RIT2: variants seen among roughly 807,000 people sequenced by gnomAD.
RIT2 encodes the protein Ras like without CAAX 2.
A neutral mutation model predicts 23.7 loss-of-function variants in RIT2; 24 were observed. The ratio of observed to expected loss-of-function variants is 1.01; its 90% CI spans 0.73 to 1.43. The LOEUF (loss-of-function observed/expected upper bound fraction) is 1.43. RIT2 is among the 40% of genes most tolerant of loss of function. The pLI is 0.00. For synonymous variants in RIT2, 107 were observed against 91.1 expected (o/e 1.17, Z -0.99); for missense variants, 236 against 266.9 (o/e 0.88, Z 0.81).
chr18:42,989,783 T>G (rs1910796796), intron 2 of RIT2, among the ~76,000 whole-genome samples: 1 of 152,160 alleles, frequency 6.6e-6, no homozygotes, highest in Admixed American at 6.5e-5. Flanking sequence ...TCGTGGCCTT[T>G]TTGATTAGAT....
At chr18:42,968,425 A>G (rs183309347) in intron 3 of RIT2, among the ~76,000 whole-genome samples, 2 of 152,310 alleles carry the variant, frequency 1.3e-5, no homozygotes, top group Non-Finnish European at 2.9e-5. Flanking sequence ...GTTAATAATA[A>G]ATTGTTTTCA....
intron 4 of RIT2, among the ~76,000 whole-genome samples, chr18:42,779,421 C>G (rs1418270145): frequency 2.0e-5 from 3 of 152,134 alleles, no homozygotes; most frequent in Non-Finnish European, 4.4e-5. Context: ...AAAATTCCCT[C>G]ATAACATCCT....
rs187096890 is a variant in RIT2, at chr18:42,897,027, C to T, written c.426+26545G>A. On this transcript the variant is annotated intron_variant, in intron 4 of 4. Transcript: ENST00000326695. ...TACTCAGTCAGGTGTGACTTTTTCTCTATACCTATCATAATCCTTTATCTT... is the reference window on the plus strand; with the variant it reads ...TACTCAGTCAGGTGTGACTTTTTCTTTATACCTATCATAATCCTTTATCTT... Among the ~76,000 whole-genome samples the T allele has an allele frequency of 5.9e-5, 9 of 152,290 alleles. No individual in the cohort carries two copies. In the East Asian group the frequency reaches 1.4e-3, roughly 23 times the overall value.
intron 3 of RIT2, among the ~76,000 whole-genome samples, chr18:42,931,580 T>G (rs1274828070): frequency 6.6e-6 from 1 of 152,142 alleles, no homozygotes; most frequent in African/African-American, 2.4e-5. Context: ...TTGACTTGTA[T>G]TTTGTCAAAG....
At chr18:42,820,261 A>T (rs1410837779) in intron 4 of RIT2, among the ~76,000 whole-genome samples, 2 of 152,096 alleles carry the variant, frequency 1.3e-5, no homozygotes, top group Non-Finnish European at 2.9e-5. Context: ...ACTACATTTA[A>T]AGCATCAGAA....
At chr18:42,780,726 A>G (rs1913791068) in intron 4 of RIT2, among the ~76,000 whole-genome samples, 1 of 151,534 alleles carries the variant, frequency 6.6e-6, no homozygotes, top group Admixed American at 6.6e-5. Context: ...GTTAATGTTG[A>G]TGTTGGTCAG....
intron 3 of RIT2, among the ~76,000 whole-genome samples, chr18:42,932,660 A>T (rs940453917): frequency 4.0e-5 from 6 of 149,924 alleles, no homozygotes; most frequent in East Asian, 3.9e-4. Context: ...TGATTATCAA[A>T]TTTTTTTTTT....
At chr18:42,914,922 T>C (rs767811887) in intron 4 of RIT2, among the ~76,000 whole-genome samples, 6 of 152,030 alleles carry the variant, frequency 3.9e-5, no homozygotes, top group Admixed American at 6.6e-5. Flanking sequence ...TTGTAACTTC[T>C]TGTGCGTCTG....
At chr18:43,102,416 C>T (rs1476318203) in intron 1 of RIT2, among the ~76,000 whole-genome samples, 1 of 146,750 alleles carries the variant, frequency 6.8e-6, no homozygotes, top group East Asian at 2.0e-4. Context: ...ACTTTCTTTT[C>T]TCCTCCTCAC....
At chr18:43,107,771 C>T (rs527906268) in intron 1 of RIT2, among the ~76,000 whole-genome samples, 1 of 152,120 alleles carries the variant, frequency 6.6e-6, no homozygotes, top group African/African-American at 2.4e-5. Flanking sequence ...CACTCACTAC[C>T]CCATCTAATA....
intron 4 of RIT2, among the ~76,000 whole-genome samples, chr18:42,882,007 C>G (rs1598697925): frequency 6.6e-6 from 1 of 152,196 alleles, no homozygotes; most frequent in Non-Finnish European, 1.5e-5. Context: ...TCTTGCTTTT[C>G]TACAGAATAT....
chr18:42,925,591 T>C (rs938692573), intron 3 of RIT2, among the ~76,000 whole-genome samples: 1 of 152,082 alleles, frequency 6.6e-6, no homozygotes, highest in Non-Finnish European at 1.5e-5. Context: ...TTTTTGATTT[T>C]CAATCGTCTA....
At chr18:42,897,985 G>A (rs1057443882) in intron 4 of RIT2, among the ~76,000 whole-genome samples, 1 of 152,144 alleles carries the variant, frequency 6.6e-6, no homozygotes, top group Non-Finnish European at 1.5e-5. Flanking sequence ...GGCAAAAGAT[G>A]GAAGCAGAGG....
At chr18:43,010,308 A>T (rs1166007521) in intron 2 of RIT2, among the ~76,000 whole-genome samples, 1 of 151,832 alleles carries the variant, frequency 6.6e-6, no homozygotes, top group Non-Finnish European at 1.5e-5. Flanking sequence ...TGGCTTCATA[A>T]TGAAGAAACT....
intron 3 of RIT2, among the ~76,000 whole-genome samples, chr18:42,964,515 T>A (rs539117383): frequency 2.6e-5 from 4 of 152,168 alleles, no homozygotes; most frequent in Non-Finnish European, 5.9e-5. Context: ...CCTGACACAA[T>A]GCCTATTTGA....
intron 4 of RIT2, among the ~76,000 whole-genome samples, chr18:42,883,395 G>A (rs537974896): frequency 6.6e-5 from 10 of 152,224 alleles, no homozygotes; most frequent in South Asian, 2.1e-4. Flanking sequence ...CTATGACTAC[G>A]TTAATTTTCT....
At chr18:42,915,370 C>T (rs1336787493) in intron 4 of RIT2, among the ~76,000 whole-genome samples, 1 of 151,890 alleles carries the variant, frequency 6.6e-6, no homozygotes, top group African/African-American at 2.4e-5. Flanking sequence ...TTTTTGGCAC[C>T]TTTTTGAAGT....
chr18:42,802,676 CCA>C (rs1467355465), intron 4 of RIT2, among the ~76,000 whole-genome samples: 2 of 152,128 alleles, frequency 1.3e-5, no homozygotes, highest in African/African-American at 4.8e-5. Flanking sequence ...GCTTTTCAAA[CCA>C]CATATGAAAG....
At chr18:42,790,481 C>T (rs1308311365) in intron 4 of RIT2, among the ~76,000 whole-genome samples, 2 of 152,212 alleles carry the variant, frequency 1.3e-5, no homozygotes, top group African/African-American at 2.4e-5. Flanking sequence ...CTCACTCTGT[C>T]GCCTAGGCCG....
Sources: allele counts gnomAD v4.1 joint callset (sites outside exome capture counted in the v4.1 genomes callset), GRCh38; gene constraint gnomAD v4.1.1; transcripts MANE v1.5; gene names NCBI Gene and HGNC (gene_info 2026-07-23, HGNC 2026-07-21).